Variants in PLXNA2 observed in about 807,000 individuals in gnomAD.
The protein encoded by PLXNA2 is plexin-A2.
PLXNA2 carries 91 observed loss-of-function variants against 193.5 expected under a neutral mutation model. The observed-to-expected ratio is 0.47, with a 90% confidence interval of 0.40 to 0.56. PLXNA2 has a LOEUF of 0.56. Among genes scored for constraint, PLXNA2 ranks in the 20% least tolerant of loss-of-function variants. PLXNA2 has a pLI of 0.00. For missense variants in PLXNA2, 1,995 were observed against 2,503.2 expected (o/e 0.80, Z 4.33); for synonymous variants, 997 against 1,027.3 (o/e 0.97, Z 0.56).
intron 3 of PLXNA2, among the ~76,000 whole-genome samples, chr1:208,172,308 A>G (rs771644965): frequency 2.0e-5 from 3 of 151,952 alleles, no homozygotes; most frequent in Non-Finnish European, 4.4e-5. Flanking sequence ...GTGGGGTCAT[A>G]TTGTGAAAGA....
At chr1:208,231,643 T>C (rs1671696628) in intron 1 of PLXNA2, among the ~76,000 whole-genome samples, 1 of 152,244 alleles carries the variant, frequency 6.6e-6, no homozygotes, top group South Asian at 2.1e-4. Context: ...AATGATTTTA[T>C]AGTTTCCTAA....
At chr1:208,031,231 C>G (rs1247496493) in intron 29 of PLXNA2, 8 of 1,082,692 alleles carry the variant, frequency 7.4e-6, no homozygotes, top group Non-Finnish European at 7.9e-6. Flanking sequence ...AGCTCTGCTG[C>G]AGGCTTCAAA....
Position 208,217,329 on chromosome 1 carries a change from C to T in PLXNA2, c.594G>A (p.Leu198=), listed in dbSNP as rs778103937. ...VDGKQDYFPT[L]SSRKLPRDPE... ...GGTCTCGGGGCAGCTTCCGGCTGGA[C>T]AGGGTCGGGAAGTAATCCTGCTTCC... Residue 198 remains leucine (L), a synonymous_variant, in exon 2 of 32, where the codon CTG becomes CTA. Coordinates refer to ENST00000367033, the MANE Select transcript of PLXNA2 (RefSeq NM_025179.4). The surrounding 1 kb of genome is among the most constrained non-coding windows in gnomAD (Gnocchi z 4.7). The T allele has an allele frequency of 6.2e-7, 1 of 1,614,146 alleles. No homozygotes were observed. The highest frequency in any genetic ancestry group is 2.2e-5 in the East Asian group (1 of 44,876).
chr1:208,035,940 T>A (rs889846377), intron 26 of PLXNA2, among the ~76,000 whole-genome samples: 1 of 152,214 alleles, frequency 6.6e-6, no homozygotes, highest in Non-Finnish European at 1.5e-5. Flanking sequence ...TTTTTTAACA[T>A]CTCTTTGTTA....
chr1:208,107,951 C>T (rs1183387889), intron 4 of PLXNA2, among the ~76,000 whole-genome samples: 1 of 152,078 alleles, frequency 6.6e-6, no homozygotes, highest in Non-Finnish European at 1.5e-5. Flanking sequence ...TGTAATTACA[C>T]CTTTAATGAA....
At chr1:208,029,242 T>TA in intron 29 of PLXNA2, 200 bp from the exon 30 acceptor site, 1 of 1,398,042 alleles carries the variant, frequency 7.2e-7, no homozygotes, top group East Asian at 2.8e-5. Context: ...AGGCACTTTG[T>TA]ACCCTAATGG....
chr1:208,140,426 C>T (rs1229956187), intron 4 of PLXNA2, among the ~76,000 whole-genome samples: 5 of 152,182 alleles, frequency 3.3e-5, no homozygotes, highest in African/African-American at 9.7e-5. Context: ...TCCCACTTTG[C>T]TGGGCTCAGA....
chr1:208,049,014 G>A (rs1431021278), intron 17 of PLXNA2, among the ~76,000 whole-genome samples: 2 of 152,088 alleles, frequency 1.3e-5, no homozygotes, highest in Non-Finnish European at 2.9e-5. Flanking sequence ...AAACATCTAG[G>A]GACAGCCCTG....
At chr1:208,095,392 C>G (rs1023579622) in intron 8 of PLXNA2, among the ~76,000 whole-genome samples, 9 of 152,204 alleles carry the variant, frequency 5.9e-5, no homozygotes, top group African/African-American at 2.2e-4. Context: ...CATTCAGCTG[C>G]TGGAATGGCT....
At chr1:208,093,431 C>T (rs910706854) in intron 8 of PLXNA2, among the ~76,000 whole-genome samples, 3 of 152,188 alleles carry the variant, frequency 2.0e-5, no homozygotes, top group African/African-American at 4.8e-5. Flanking sequence ...AGTCACTTCA[C>T]CCTCTGAATT....
intron 1 of PLXNA2, among the ~76,000 whole-genome samples, chr1:208,220,850 A>G (rs928145176): frequency 2.6e-5 from 4 of 152,136 alleles, no homozygotes; most frequent in African/African-American, 9.7e-5. Context: ...CAATGAGATG[A>G]ACACTGTGGG....
At chr1:208,207,571 G>A (rs1374874740) in intron 3 of PLXNA2, among the ~76,000 whole-genome samples, 1 of 152,186 alleles carries the variant, frequency 6.6e-6, no homozygotes, top group Non-Finnish European at 1.5e-5. Context: ...GACAGACGCC[G>A]GGAGAAGTGA....
chr1:208,108,631 G>A (rs1361185116), intron 4 of PLXNA2, among the ~76,000 whole-genome samples: 1 of 152,190 alleles, frequency 6.6e-6, no homozygotes, highest in East Asian at 1.9e-4. Context: ...TTCTGACAGT[G>A]GATCATGCCG....
At chr1:208,187,100 C>T (rs1327958084) in intron 3 of PLXNA2, among the ~76,000 whole-genome samples, 1 of 152,084 alleles carries the variant, frequency 6.6e-6, no homozygotes, top group African/African-American at 2.4e-5. Flanking sequence ...TTTTTGCAGA[C>T]CTAAGAATTT....
chr1:208,057,520 C>T (rs2102344424), intron 13 of PLXNA2, among the ~76,000 whole-genome samples: 1 of 152,306 alleles, frequency 6.6e-6, no homozygotes, highest in Middle Eastern at 3.4e-3. Flanking sequence ...TCCCCTCTAC[C>T]TTCTTGGTTG....
At chr1:208,117,638 G>A (rs763741892) in intron 4 of PLXNA2, among the ~76,000 whole-genome samples, 1 of 152,146 alleles carries the variant, frequency 6.6e-6, no homozygotes, top group Non-Finnish European at 1.5e-5. Context: ...GGGGAGTTTC[G>A]AGGCCCAGGA....
intron 12 of PLXNA2, among the ~76,000 whole-genome samples, chr1:208,074,729 C>T (rs1473150125): frequency 1.3e-5 from 2 of 152,186 alleles, no homozygotes; most frequent in Admixed American, 6.5e-5. Flanking sequence ...GCATCCATTC[C>T]AGCTTCCACT....
intron 12 of PLXNA2, among the ~76,000 whole-genome samples, chr1:208,077,315 T>C (rs1666191185): frequency 6.6e-6 from 1 of 152,176 alleles, no homozygotes; most frequent in Admixed American, 6.5e-5. Context: ...ACAGCATAAT[T>C]ACCTCGGGGG....
intron 3 of PLXNA2, among the ~76,000 whole-genome samples, chr1:208,203,658 G>C (rs1670621497): frequency 6.6e-6 from 1 of 152,194 alleles, no homozygotes. Context: ...AGTGTGTTTG[G>C]GGAGAAAGTC....
Sources: gnomAD v4.1 joint callset for allele counts (sites outside exome capture counted in the v4.1 genomes callset) on GRCh38, gnomAD v4.1.1 for gene constraint, Gnocchi (gnomAD v3.1) non-coding constraint, MANE v1.5 for transcripts, NCBI Gene and HGNC (gene_info 2026-07-23, HGNC 2026-07-21) for gene names.